MSR1: variants seen among roughly 807,000 people sequenced by gnomAD.
The protein encoded by MSR1 is macrophage scavenger receptor 1.
A neutral mutation model predicts 47.2 loss-of-function variants in MSR1; 53 were observed. The observed-to-expected ratio is 1.12, with a 90% CI of 0.90 to 1.41. The LOEUF is 1.41. Ranked by LOEUF, MSR1 falls within the 40% of genes most tolerant of loss-of-function variation. The probability of loss-of-function intolerance (pLI) is 0.00; values close to 1 mark genes in which losing one functional copy is unlikely to be tolerated. For missense variants in MSR1, 786 were observed against 546.9 expected (o/e 1.44, Z -4.36); for synonymous variants, 239 against 185.6 (o/e 1.29, Z -2.34).
intron 8 of MSR1, among the ~76,000 whole-genome samples, chr8:16,132,132 T>A (rs147782252): frequency 1.7e-3 from 261 of 152,210 alleles, no homozygotes; most frequent in Middle Eastern, 0.017. Flanking sequence ...TTGGAATGTT[T>A]TTCTATTTTT....
chr8:16,168,789 T>C lies in MSR1; in HGVS notation c.299A>G (p.Lys100Arg). The change falls in exon 4 of 10, where the codon AAA (lysine) becomes AGA (arginine). Residue 100 changes from lysine (K) to arginine (R), a missense_variant. Physicochemically the swap from Lys to Arg is conservative, Grantham distance 26. Transcript: ENST00000262101. ...CATTTCCTCTTCGCTGTCATTTCCT[T>C]TTCCCGTGAGACTTTGAGTTATATC... ...ANDITQSLTG[K>R]GNDSEEEMRF... The C allele has an allele frequency of 6.2e-7, 1 of 1,614,120 alleles. No individual in the cohort carries two copies.
At chr8:16,118,856 G>A (rs1053562892) in intron 9 of MSR1, among the ~76,000 whole-genome samples, 1 of 152,010 alleles carries the variant, frequency 6.6e-6, no homozygotes, top group African/African-American at 2.4e-5. Flanking sequence ...GAAAACAAAA[G>A]CAAAAATCTA....
intron 5 of MSR1, 99 bp downstream of exon 5, chr8:16,163,966 T>C (rs2117169008): frequency 1.0e-6 from 1 of 977,384 alleles, no homozygotes; most frequent in East Asian, 2.7e-5. Context: ...TCAGAAACTA[T>C]TTATTTCAAA....
In MSR1 at chr8:16,168,470, G is replaced by A. The variant is rs373916907; in HGVS notation, c.618C>T (p.Phe206=). The A allele has an allele frequency of 1.9e-6, 3 of 1,614,066 alleles. No individual in the cohort carries two copies. Among genetic ancestry groups the A allele is most frequent in the Non-Finnish European group, 2.5e-6 (3 of 1,180,012 alleles). The change falls in exon 4 of 10, where the codon TTC becomes TTT. Residue 206 remains phenylalanine, a synonymous_variant. Coordinates refer to ENST00000262101, the MANE Select transcript of MSR1 (RefSeq NM_138715.3). ...CACAAACTCTTACCTCTTGTTGTTT[G>A]AAGGTATTCTCTTGGATTTTGCCAT... The part of the protein sequence containing the change: ...NLNGKIQENT[F]KQQEEISKLE...
At chr8:16,159,131 T>C (rs1400653011) in intron 5 of MSR1, among the ~76,000 whole-genome samples, 5 of 151,612 alleles carry the variant, frequency 3.3e-5, no homozygotes, top group Non-Finnish European at 1.5e-5. Context: ...TCTCAGTAAT[T>C]AATTATACAA....
intron 9 of MSR1, among the ~76,000 whole-genome samples, chr8:16,112,981 C>T (rs1200882203): frequency 1.4e-5 from 2 of 142,762 alleles, no homozygotes; most frequent in Admixed American, 7.1e-5. Context: ...GAGACTCACT[C>T]CCTCTATCGC....
chr8:16,184,552 T>C (rs1248815859), intron 1 of MSR1, among the ~76,000 whole-genome samples: 1 of 152,194 alleles, frequency 6.6e-6, no homozygotes, highest in Non-Finnish European at 1.5e-5. Context: ...ATCCGACTCA[T>C]CAATTTCTTC....
At chr8:16,167,800 C>T (rs1036845931) in intron 4 of MSR1, among the ~76,000 whole-genome samples, 2 of 152,156 alleles carry the variant, frequency 1.3e-5, no homozygotes, top group African/African-American at 4.8e-5. Flanking sequence ...TTATTCAAAA[C>T]TATGGACAGT....
intron 1 of MSR1, among the ~76,000 whole-genome samples, chr8:16,185,156 G>GA (rs11314968): frequency 1.3e-5 from 2 of 149,214 alleles, no homozygotes; most frequent in African/African-American, 4.9e-5. Flanking sequence ...ATATTTTCCA[G>GA]AAAAAAAAAA....
rs146212649 is a variant in MSR1 at position 16,146,894 on chromosome 8, C to T, written c.980-3283G>A. 5.9e-3 allele frequency among the ~76,000 whole-genome samples: 904 copies of T among 152,172 alleles called. 13 individuals are homozygous for T. Among genetic ancestry groups the T allele is most frequent in the African/African-American group, 0.019 (806 of 41,536 alleles). ...GAAACTTCAGACTCATGTGTTCAAC[C>T]GTCTGTAGATAGCTCCATGAATCAC... On this transcript the variant is annotated intron_variant, in intron 7 of 9. Transcript: ENST00000262101.
intron 5 of MSR1, among the ~76,000 whole-genome samples, chr8:16,156,583 T>C (rs577169497): frequency 6.6e-6 from 1 of 151,898 alleles, no homozygotes; most frequent in East Asian, 1.9e-4. Flanking sequence ...ATTTTTATTA[T>C]AAAAGCAACT....
intron 1 of MSR1, among the ~76,000 whole-genome samples, chr8:16,181,121 T>G (rs1469838316): frequency 2.0e-5 from 3 of 152,024 alleles, no homozygotes; most frequent in Non-Finnish European, 2.9e-5. Flanking sequence ...AAAAACCAAA[T>G]AATTAAAAAA....
At chr8:16,181,940 G>A (rs533314001) in intron 1 of MSR1, among the ~76,000 whole-genome samples, 12 of 152,244 alleles carry the variant, frequency 7.9e-5, no homozygotes, top group Admixed American at 7.9e-4. Flanking sequence ...GTATAGACAT[G>A]TGTCAATTAA....
rs1327267710 is a variant in MSR1 at position 16,189,576 on chromosome 8, T to A, written c.-5+3022A>T. 3.0e-5 allele frequency among the ~76,000 whole-genome samples: 3 copies of A among 98,732 alleles called. 1 individual carries two copies. Among genetic ancestry groups the A allele is most frequent in the South Asian group, 3.1e-4 (1 of 3,264 alleles). 64.8% of individuals were successfully genotyped at this position (98,732 alleles called of 152,430 possible). ...TATATATATGAAATCTTATTTTATA[T>A]ATATTTTATATATATTTTATATATA... On this transcript the variant is annotated intron_variant, in intron 1 of 9. Coordinates refer to ENST00000262101, the MANE Select transcript of MSR1 (RefSeq NM_138715.3).
chr8:16,117,554 T>G (rs1378813294), intron 9 of MSR1, among the ~76,000 whole-genome samples: 1 of 152,166 alleles, frequency 6.6e-6, no homozygotes, highest in Non-Finnish European at 1.5e-5. Context: ...TTTAAAGGTA[T>G]GTTTGAGACA....
At chr8:16,148,558 G>A (rs1212321165) in intron 7 of MSR1, among the ~76,000 whole-genome samples, 1 of 151,990 alleles carries the variant, frequency 6.6e-6, no homozygotes, top group East Asian at 1.9e-4. Flanking sequence ...CTGGGTTCAA[G>A]TGATCCTCCC....
chr8:16,126,252 T>C (rs1444601472), intron 8 of MSR1, among the ~76,000 whole-genome samples: 1 of 152,064 alleles, frequency 6.6e-6, no homozygotes, highest in African/African-American at 2.4e-5. Flanking sequence ...TCAGGGAACA[T>C]GTAAGGTCTT....
At chr8:16,178,103 C>CTTTT (rs199889203) in intron 1 of MSR1, 111 bp from the exon 2 acceptor site, 784 of 654,486 alleles carry the variant, frequency 1.2e-3, no homozygotes, top group East Asian at 2.8e-3. Context: ...TTCAGTTTTT[C>CTTTT]TTTTTTTTTT....
intron 4 of MSR1, among the ~76,000 whole-genome samples, chr8:16,168,127 G>A (rs568408730): frequency 6.6e-6 from 1 of 152,190 alleles, no homozygotes; most frequent in African/African-American, 2.4e-5. Flanking sequence ...CACATACAGA[G>A]TGTTCACTTC....
Sources: allele counts gnomAD v4.1 joint callset (sites outside exome capture counted in the v4.1 genomes callset), GRCh38; gene constraint gnomAD v4.1.1; transcripts MANE v1.5; gene names NCBI Gene and HGNC (gene_info 2026-07-23, HGNC 2026-07-21).